WWC2: variants seen among roughly 807,000 people sequenced by gnomAD.
The protein encoded by WWC2 is WW and C2 domain containing 2, also known as protein WWC2.
Under a neutral mutation model 138.5 loss-of-function variants are expected in WWC2, and 101 were observed. The observed-to-expected ratio is 0.73, with a 90% CI of 0.62 to 0.86. WWC2 has a LOEUF of 0.86. WWC2 is among the 40% of genes least tolerant of loss of function. The probability of loss-of-function intolerance (pLI) is 0.00; values close to 1 mark genes in which losing one functional copy is unlikely to be tolerated. For synonymous variants in WWC2, 558 were observed against 538.4 expected (o/e 1.04, Z -0.50); for missense variants, 1,420 against 1,419.4 (o/e 1.00, Z -0.01).
intron 22 of WWC2, among the ~76,000 whole-genome samples, chr4:183,313,860 A>G (rs553658612): frequency 6.7e-6 from 1 of 150,032 alleles, no homozygotes; most frequent in Non-Finnish European, 1.5e-5. Context: ...CCTGGTGAGC[A>G]CACTAGATGG....
chr4:183,180,165 T>A (rs1027499379), intron 1 of WWC2, among the ~76,000 whole-genome samples: 2 of 152,176 alleles, frequency 1.3e-5, no homozygotes, highest in African/African-American at 4.8e-5. Flanking sequence ...TGGAGGGAAC[T>A]GCACGTGTTA....
intron 1 of WWC2, among the ~76,000 whole-genome samples, chr4:183,123,403 G>GT (rs1491337168): frequency 5.6e-3 from 2 of 354 alleles, no homozygotes; most frequent in Non-Finnish European, 0.038. Context: ...CAAGTTTCAG[G>GT]TGTGTGTGTG....
intron 15 of WWC2, 96 bp downstream of exon 15, chr4:183,269,259 A>T: frequency 8.3e-7 from 1 of 1,201,364 alleles, no homozygotes; most frequent in Non-Finnish European, 1.2e-6. Flanking sequence ...CCTAGAAATC[A>T]CTACAGACCT....
intron 1 of WWC2, among the ~76,000 whole-genome samples, chr4:183,146,278 T>C (rs1289242744): frequency 6.6e-6 from 1 of 152,170 alleles, no homozygotes; most frequent in Non-Finnish European, 1.5e-5. Flanking sequence ...TTCATTTTCA[T>C]CGTCGGCTTT....
At chr4:183,223,600 C>G (rs2111269887) in intron 4 of WWC2, among the ~76,000 whole-genome samples, 1 of 152,278 alleles carries the variant, frequency 6.6e-6, no homozygotes, top group East Asian at 1.9e-4. Context: ...AATGCCTTAT[C>G]AATATTTATG....
At chr4:183,312,265 G>A (rs1739276028) in intron 21 of WWC2, 76 bp from the exon 22 acceptor site, 2 of 1,572,026 alleles carry the variant, frequency 1.3e-6, no homozygotes, top group African/African-American at 2.7e-5. Flanking sequence ...CACAATCTTT[G>A]AAGCTTCATA....
chr4:183,109,192 G>A (rs1732149901), intron 1 of WWC2, among the ~76,000 whole-genome samples: 1 of 152,094 alleles, frequency 6.6e-6, no homozygotes, highest in African/African-American at 2.4e-5. Flanking sequence ...ATCATGAAAA[G>A]CTGTAAACAA....
In WWC2 at chr4:183,140,643, A is replaced by G. The variant is rs1286924776; in HGVS notation, c.131+41021A>G. On this transcript the variant is annotated intron_variant, in intron 1 of 22. Transcript: ENST00000403733. ...GTTTAGCAAGTATTTTTTTTACTGT[A>G]TATAAAGAAGCATTATTTTTAATAA... is the stretch of plus-strand genomic sequence containing the variant. Among the ~76,000 whole-genome samples the G allele has an allele frequency of 3.3e-5, 5 of 152,222 alleles. No homozygotes were observed. In the South Asian group the frequency reaches 1.0e-3, roughly 32 times the overall value.
intron 1 of WWC2, among the ~76,000 whole-genome samples, chr4:183,145,437 G>A (rs1733426035): frequency 6.6e-6 from 1 of 152,136 alleles, no homozygotes; most frequent in South Asian, 2.1e-4. Flanking sequence ...AATAATGTTT[G>A]TTTGCTTAAT....
chr4:183,199,131 A>G (rs1560838870), intron 2 of WWC2, among the ~76,000 whole-genome samples: 2 of 152,268 alleles, frequency 1.3e-5, no homozygotes, highest in East Asian at 1.9e-4. Context: ...AAGAAGGAGG[A>G]CCACAAGTAG....
chr4:183,292,371 G>A (rs754679622), intron 21 of WWC2, among the ~76,000 whole-genome samples: 4 of 151,824 alleles, frequency 2.6e-5, no homozygotes, highest in South Asian at 2.1e-4. Context: ...TTAGCTGAGC[G>A]TGGTGGCACA....
rs1240512585 is a variant in WWC2, at chr4:183,289,501, A to AATG, written c.3255_3257dup (p.Asp1085dup). The AATG allele has an allele frequency of 1.2e-6, 2 of 1,613,910 alleles. No homozygotes were observed. The highest frequency in any genetic ancestry group is 3.3e-5 in the Admixed American group (2 of 59,996). On this transcript the variant is annotated inframe_insertion, in exon 21 of 23. Coordinates refer to ENST00000403733, the MANE Select transcript of WWC2 (RefSeq NM_024949.6). ...ATCTCTGACCCGGCAGAGCCGCCTC[A>AATG]ATGATGAGCTGCAGGCGCTGAGGGA...
chr4:183,285,289 G>T (rs1488944488), intron 19 of WWC2, among the ~76,000 whole-genome samples: 2 of 152,182 alleles, frequency 1.3e-5, no homozygotes, highest in Non-Finnish European at 2.9e-5. Context: ...TGGGCCGAGA[G>T]CGTTCTAGAT....
At chr4:183,290,443 G>A (rs1738411943) in intron 21 of WWC2, among the ~76,000 whole-genome samples, 2 of 151,930 alleles carry the variant, frequency 1.3e-5, no homozygotes, top group Admixed American at 1.3e-4. Context: ...CTTAAACGTG[G>A]GAGGTGGAGG....
At chr4:183,164,404 TATATATA>T (rs373525442) in intron 1 of WWC2, among the ~76,000 whole-genome samples, 560 of 1,632 alleles carry the variant, frequency 0.34, 37 homozygotes, top group African/African-American at 0.46. Context: ...ACATATATAT[TATATATA>T]ATATATATAT....
At chr4:183,260,599 G>T (rs1012342922) in intron 10 of WWC2, among the ~76,000 whole-genome samples, 1 of 152,198 alleles carries the variant, frequency 6.6e-6, no homozygotes, top group African/African-American at 2.4e-5. Context: ...TGCTGTGCAG[G>T]TTCGTAGCCT....
At position 183,205,266 on chromosome 4, in the gene WWC2, G is replaced by A. The variant is rs142116293; in HGVS notation, c.242-2687G>A. 7.3e-3 allele frequency among the ~76,000 whole-genome samples: 1,105 copies of A among 152,250 alleles called. 13 individuals carry two copies. Among genetic ancestry groups the A allele is most frequent in the African/African-American group, 0.025 (1,038 of 41,536 alleles). On this transcript the variant is annotated intron_variant, in intron 2 of 22. Transcript: ENST00000403733. The stretch of plus-strand genomic sequence containing the variant: ...AAATTCTAGCCATTTTACATAGTGA[G>A]CAATGGTATCCCATTATAGTTTTGA...
chr4:183,187,564 A>AATAATAATAATG (rs1203410701), intron 1 of WWC2, among the ~76,000 whole-genome samples: 2 of 140,022 alleles, frequency 1.4e-5, no homozygotes, highest in Non-Finnish European at 3.1e-5. Flanking sequence ...AAATAATAAT[A>AATAATAATAATG]ATAATAATAA....
At chr4:183,310,120 G>A (rs1020006199) in intron 21 of WWC2, among the ~76,000 whole-genome samples, 13 of 152,214 alleles carry the variant, frequency 8.5e-5, no homozygotes, top group African/African-American at 3.1e-4. Context: ...GTATGATATT[G>A]TAATGGTGGG....
Sources: allele counts gnomAD v4.1 joint callset (sites outside exome capture counted in the v4.1 genomes callset), GRCh38; gene constraint gnomAD v4.1.1; transcripts MANE v1.5; gene names NCBI Gene and HGNC (gene_info 2026-07-23, HGNC 2026-07-21).